PROS1: variants seen among roughly 807,000 people sequenced by gnomAD.
PROS1 encodes vitamin K-dependent protein S.
In PROS1, 29 loss-of-function variants were observed where a neutral mutation model predicts 75.9. The observed-to-expected ratio is 0.38, with a 90% CI of 0.28 to 0.52. The LOEUF (loss-of-function observed/expected upper bound fraction) is 0.52. Ranked by LOEUF, PROS1 falls within the 20% of genes least tolerant of loss-of-function variation. PROS1 has a pLI of 0.83. For missense variants in PROS1, 680 were observed against 810.3 expected (o/e 0.84, Z 1.95); for synonymous variants, 245 against 280.6 (o/e 0.87, Z 1.27).
chr3:93,948,186 A>T (rs1402526128), intron 1 of PROS1, among the ~76,000 whole-genome samples: 1 of 152,208 alleles, frequency 6.6e-6, no homozygotes. Flanking sequence ...GAATGACCCA[A>T]AAGAAAATAG....
At chr3:93,882,585 G>T (rs576192656) in intron 12 of PROS1, among the ~76,000 whole-genome samples, 113 of 152,326 alleles carry the variant, frequency 7.4e-4, no homozygotes, top group African/African-American at 2.7e-3. Context: ...ATCCAGGGCA[G>T]ACAGGAAATG....
intron 1 of PROS1, among the ~76,000 whole-genome samples, chr3:93,927,910 T>G (rs1343719072): frequency 3.5e-5 from 5 of 142,282 alleles, no homozygotes; most frequent in Non-Finnish European, 7.6e-5. Flanking sequence ...TGTGTGTGTG[T>G]GTGTATATAT....
chr3:93,899,923 A>C (rs1708560948), intron 7 of PROS1, among the ~76,000 whole-genome samples: 1 of 152,184 alleles, frequency 6.6e-6, no homozygotes, highest in Non-Finnish European at 1.5e-5. Context: ...AAAATGGTTA[A>C]AAGAGTACAT....
intron 1 of PROS1, among the ~76,000 whole-genome samples, chr3:93,971,254 G>T (rs748881594): frequency 1.3e-4 from 20 of 151,366 alleles, no homozygotes; most frequent in African/African-American, 3.9e-4. Flanking sequence ...AGGCTGAGGT[G>T]GGGGGATCAC....
chr3:93,928,483 G>A (rs1400345109), intron 1 of PROS1, among the ~76,000 whole-genome samples: 1 of 148,040 alleles, frequency 6.8e-6, no homozygotes, highest in African/African-American at 2.5e-5. Context: ...ACAGTGAGCT[G>A]AGATCCTGCC....
chr3:93,904,828 T>C (rs1234155769), intron 6 of PROS1, among the ~76,000 whole-genome samples: 2 of 151,880 alleles, frequency 1.3e-5, no homozygotes, highest in African/African-American at 4.8e-5. Context: ...AAAGTCAAAA[T>C]TTAGGGATAG....
chr3:93,943,303 C>A (rs532673834), intron 1 of PROS1, among the ~76,000 whole-genome samples: 114 of 152,260 alleles, frequency 7.5e-4, no homozygotes, highest in African/African-American at 2.7e-3. Flanking sequence ...CAAGTAATTA[C>A]ACTGAACCCC....
At chr3:93,970,782 G>T (rs927741290) in intron 1 of PROS1, among the ~76,000 whole-genome samples, 12 of 151,984 alleles carry the variant, frequency 7.9e-5, no homozygotes, top group African/African-American at 2.7e-4. Context: ...AGTTGAATTA[G>T]ATTATTTCTA....
intron 1 of PROS1, among the ~76,000 whole-genome samples, chr3:93,951,071 G>C (rs1709487266): frequency 1.3e-5 from 2 of 152,118 alleles, no homozygotes; most frequent in African/African-American, 2.4e-5. Context: ...AATGAAGAAA[G>C]CCTCCAAGAA....
chr3:93,932,478 A>C (rs1294129324), intron 1 of PROS1, among the ~76,000 whole-genome samples: 1 of 152,164 alleles, frequency 6.6e-6, no homozygotes, highest in Non-Finnish European at 1.5e-5. Context: ...TCAGATTCAA[A>C]ATTTTAGGTT....
chr3:93,971,380 T>C (rs1156668687), intron 1 of PROS1, among the ~76,000 whole-genome samples: 1 of 147,862 alleles, frequency 6.8e-6, no homozygotes, highest in Non-Finnish European at 1.5e-5. Flanking sequence ...AATAAATAAA[T>C]AAATAAATAA....
intron 3 of PROS1, among the ~76,000 whole-genome samples, chr3:93,913,480 T>C (rs1446446899): frequency 3.9e-5 from 6 of 152,362 alleles, no homozygotes; most frequent in Non-Finnish European, 8.8e-5. Context: ...GCCTTGACTA[T>C]GAGGCCTTTC....
At chr3:93,905,055 T>C (rs554781734) in intron 6 of PROS1, among the ~76,000 whole-genome samples, 2 of 152,294 alleles carry the variant, frequency 1.3e-5, no homozygotes, top group South Asian at 4.1e-4. Context: ...ATCAGAAAAG[T>C]ATTTCTGAAA....
Position 93,881,004 on chromosome 3 carries a change from C to T in PROS1, c.1493-1690G>A, listed in dbSNP as rs534074870. ...CAATTTGTGTTAGAAAAAGGGAAAT[C>T]ATTTTTGTAAAATTTGTCCTTAAAA... is the stretch of plus-strand genomic sequence containing the variant. On this transcript the variant is annotated intron_variant, in intron 12 of 14. Transcript: ENST00000394236. 7.9e-5 allele frequency among the ~76,000 whole-genome samples: 12 copies of T among 152,216 alleles called. No individual in the cohort carries two copies. The South Asian group carries it at 2.5e-3, about 32-fold the overall frequency.
chr3:93,933,303 T>C (rs1353791378), intron 1 of PROS1, among the ~76,000 whole-genome samples: 1 of 152,194 alleles, frequency 6.6e-6, no homozygotes, highest in East Asian at 1.9e-4. Flanking sequence ...GGCTGGGTAC[T>C]GTGGCTCGCA....
In PROS1 at chr3:93,891,388, T is replaced by C. The variant is rs756337413; in HGVS notation, c.1155+1545A>G. The stretch of plus-strand genomic sequence containing the variant: ...TATTCTTGATCATTAGATTAAAGGC[T>C]ATATGTAGGATTAAATTAAAATGCT... On this transcript the variant is annotated intron_variant, in intron 10 of 14. Coordinates refer to ENST00000394236, the MANE Select transcript of PROS1 (RefSeq NM_000313.4). 1.1e-3 allele frequency among the ~76,000 whole-genome samples: 174 copies of C among 152,138 alleles called. 2 individuals are homozygous for C. The highest frequency in any genetic ancestry group is 2.2e-3 in the Non-Finnish European group (152 of 68,022).
intron 12 of PROS1, among the ~76,000 whole-genome samples, chr3:93,883,234 A>G (rs1708297602): frequency 6.6e-6 from 1 of 152,180 alleles, no homozygotes; most frequent in Non-Finnish European, 1.5e-5. Flanking sequence ...GACACTTGAG[A>G]GACACAAGTG....
At chr3:93,878,349 A>T (rs1303134011) in intron 13 of PROS1, among the ~76,000 whole-genome samples, 1 of 152,220 alleles carries the variant, frequency 6.6e-6, no homozygotes, top group African/African-American at 2.4e-5. Flanking sequence ...ACCACCAGAA[A>T]CTTCCCATCC....
At chr3:93,900,980 A>T (rs1482377147) in intron 6 of PROS1, 51 bp from the exon 7 acceptor site, 1 of 1,580,536 alleles carries the variant, frequency 6.3e-7, no homozygotes, top group East Asian at 2.3e-5. Context: ...ACCAGCAGAC[A>T]CTACCAAAGA....
Sources: gnomAD v4.1 joint callset for allele counts (sites outside exome capture counted in the v4.1 genomes callset) on GRCh38, gnomAD v4.1.1 for gene constraint, MANE v1.5 for transcripts, NCBI Gene and HGNC (gene_info 2026-07-23, HGNC 2026-07-21) for gene names.